Variants in CAND1 observed in about 807,000 individuals in gnomAD.
CAND1 encodes cullin-associated NEDD8-dissociated protein 1.
Under a neutral mutation model 108.5 loss-of-function variants are expected in CAND1, and 7 were observed. The ratio of observed to expected loss-of-function variants is 0.06; its 90% CI spans 0.04 to 0.12. CAND1 has a LOEUF of 0.12. Among genes scored for constraint, CAND1 ranks in the 10% least tolerant of loss-of-function variants. The probability of loss-of-function intolerance (pLI) is 1.00; values close to 1 mark genes in which losing one functional copy is unlikely to be tolerated. For missense variants in CAND1, 941 were observed against 1,448.7 expected (o/e 0.65, Z 5.69); for synonymous variants, 534 against 512.0 (o/e 1.04, Z -0.58).
chr12:67,278,939 T>G (rs1346941166), intron 1 of CAND1, among the ~76,000 whole-genome samples: 1 of 152,234 alleles, frequency 6.6e-6, no homozygotes, highest in Non-Finnish European at 1.5e-5. Flanking sequence ...GACTGCAATG[T>G]AAGCTCCAAG....
chr12:67,274,763 TTAAG>T (rs1429892871), intron 1 of CAND1, among the ~76,000 whole-genome samples: 1 of 152,218 alleles, frequency 6.6e-6, no homozygotes, highest in East Asian at 1.9e-4. Context: ...ATTTATTTAT[TTAAG>T]TGTTTTGGAT....
At chr12:67,276,235 C>T (rs2044567905) in intron 1 of CAND1, among the ~76,000 whole-genome samples, 1 of 152,310 alleles carries the variant, frequency 6.6e-6, no homozygotes, top group African/African-American at 2.4e-5. Flanking sequence ...CATCTGAATT[C>T]GTAGAGACTG....
intron 2 of CAND1, among the ~76,000 whole-genome samples, chr12:67,284,795 A>G (rs896867083): frequency 2.0e-5 from 3 of 152,068 alleles, no homozygotes; most frequent in Admixed American, 2.0e-4. Context: ...ACACACACAT[A>G]CACACACTTA....
chr12:67,305,217 G>T lies in CAND1; in HGVS notation c.1549G>T (p.Val517Phe). 6.2e-7 allele frequency: 1 copy of T among 1,614,082 alleles called. No individual in the cohort carries two copies. The highest frequency in any genetic ancestry group is 8.5e-7 in the Non-Finnish European group (1 of 1,180,008). Residue 517 changes from valine (V) to phenylalanine (F), a missense_variant, in exon 10 of 15, where the codon GTT (valine) becomes TTT (phenylalanine). Physicochemically the swap from Val to Phe is conservative, Grantham distance 50 (BLOSUM62 -1). This residue lies in a region of CAND1 where 697 missense variants were observed against 942.0 expected (regional missense o/e 0.74). Coordinates refer to ENST00000545606, the MANE Select transcript of CAND1 (RefSeq NM_018448.5). The surrounding 1 kb of genome is among the most constrained non-coding windows in gnomAD (Gnocchi z 4.4). Reference protein sequence around the residue: ...NHSPQVFHPHVQALVPPVVAC... With the variant: ...NHSPQVFHPHFQALVPPVVAC... Reference sequence around the variant, plus strand: ...TTCTCCTCAAGTCTTCCATCCTCACGTTCAGGCTTTGGTTCCTCCAGTGGT... The same window carrying T: ...TTCTCCTCAAGTCTTCCATCCTCACTTTCAGGCTTTGGTTCCTCCAGTGGT...
Position 67,269,812 on chromosome 12 carries a change from C to T in CAND1, c.68+27C>T, listed in dbSNP as rs1440010020. On this transcript the variant is annotated intron_variant, in intron 1 of 14. Coordinates refer to ENST00000545606, the MANE Select transcript of CAND1 (RefSeq NM_018448.5). ...TGAGGCCGAGATCCGACCCTCACCC[C>T]ACCTCGGGGTTCTCGCAGCCGCGGC... 4 of 1,587,078 alleles carry T rather than the reference C, an allele frequency of 2.5e-6. No individual in the cohort carries two copies. The Admixed American group carries it at 5.2e-5, about 21-fold the overall frequency.
intron 2 of CAND1, among the ~76,000 whole-genome samples, chr12:67,285,371 A>C (rs929743372): frequency 6.6e-6 from 1 of 152,230 alleles, no homozygotes; most frequent in African/African-American, 2.4e-5. Flanking sequence ...CTTTTATGCT[A>C]AACTAATTAT....
chr12:67,272,762 T>C (rs1197574643), intron 1 of CAND1, among the ~76,000 whole-genome samples: 1 of 152,046 alleles, frequency 6.6e-6, no homozygotes. Context: ...AGGGGCGCCA[T>C]CTCAGCTCAC....
At chr12:67,287,756 A>G (rs1413147919) in intron 2 of CAND1, among the ~76,000 whole-genome samples, 3 of 151,872 alleles carry the variant, frequency 2.0e-5, no homozygotes, top group Non-Finnish European at 1.5e-5. Flanking sequence ...TAATTTAAAC[A>G]TATAAAGGTA....
At chr12:67,274,612 G>A (rs2044552558) in intron 1 of CAND1, among the ~76,000 whole-genome samples, 1 of 152,144 alleles carries the variant, frequency 6.6e-6, no homozygotes, top group African/African-American at 2.4e-5. Context: ...ATTATATAGG[G>A]ATTTTAGGAA....
At chr12:67,270,025 T>C in intron 1 of CAND1, 1 of 488,252 alleles carries the variant, frequency 2.0e-6, no homozygotes, top group East Asian at 4.0e-5. Context: ...CTAGGCCCCG[T>C]TTGCTTGTCT....
chr12:67,294,927 C>G (rs1297160412), intron 3 of CAND1, 106 bp from the exon 4 acceptor site: 1 of 1,177,788 alleles, frequency 8.5e-7, no homozygotes, highest in East Asian at 2.6e-5. Flanking sequence ...TCTGTTGTGT[C>G]TCATGATCAA....
In CAND1 at chr12:67,305,153, C is replaced by T. The variant is rs771093103; in HGVS notation, c.1485C>T (p.Ile495=). 28 of 1,611,654 alleles carry T rather than the reference C, an allele frequency of 1.7e-5. No homozygotes were observed. Among genetic ancestry groups the T allele is most frequent in the South Asian group, 2.2e-5 (2 of 90,120 alleles). Residue 495 remains isoleucine, a synonymous_variant, in exon 10 of 15, where the codon ATC becomes ATT. Transcript: ENST00000545606. The surrounding 1 kb of genome is among the most constrained non-coding windows in gnomAD (Gnocchi z 4.4). The stretch of plus-strand genomic sequence containing the variant: ...AATCAAGCTCATCGAATTTGAAGAT[C>T]GATGCTTTGTCATGTCTATACGTAA... The part of the protein sequence containing the change: ...NDKSSSSNLK[I]DALSCLYVIL...
At chr12:67,292,850 T>C in intron 3 of CAND1, 74 bp downstream of exon 3, 1 of 1,469,120 alleles carries the variant, frequency 6.8e-7, no homozygotes, top group Non-Finnish European at 9.4e-7. Context: ...TTTCCCCTTC[T>C]GGCCAAGGAG....
Position 67,305,574 on chromosome 12 carries a change from G to T in CAND1, c.1906G>T (p.Ala636Ser). The part of the protein sequence containing the change: ...LTTVKALTLI[A>S]GSPLKIDLRP... The stretch of plus-strand genomic sequence containing the variant: ...TACAGTAAAGGCATTGACACTGATT[G>T]CTGGGTCACCTTTGAAGATAGATTT... Residue 636 changes from alanine to serine, a missense_variant, in exon 10 of 15, where the codon GCT (alanine) becomes TCT (serine). This residue lies in a region of CAND1 where 697 missense variants were observed against 942.0 expected (regional missense o/e 0.74). Transcript: ENST00000545606. The surrounding 1 kb of genome is among the most constrained non-coding windows in gnomAD (Gnocchi z 4.4). The T allele has an allele frequency of 6.2e-7, 1 of 1,614,116 alleles. No individual in the cohort carries two copies.
intron 1 of CAND1, among the ~76,000 whole-genome samples, chr12:67,278,819 C>T (rs2135992210): frequency 6.6e-6 from 1 of 152,256 alleles, no homozygotes; most frequent in East Asian, 1.9e-4. Context: ...GGCACCTGGC[C>T]CCATAGTGTT....
intron 1 of CAND1, chr12:67,270,766 A>G (rs1292425517): frequency 1.5e-5 from 1 of 67,878 alleles, no homozygotes; most frequent in Non-Finnish European, 2.8e-5. Flanking sequence ...TAAGTTCTCA[A>G]TCTAAAAAAA....
intron 1 of CAND1, among the ~76,000 whole-genome samples, chr12:67,272,696 G>T (rs981009683): frequency 2.6e-5 from 4 of 151,382 alleles, no homozygotes; most frequent in East Asian, 1.9e-4. Flanking sequence ...TGTTGTTTTG[G>T]TTTTTTTTGT....
intron 1 of CAND1, among the ~76,000 whole-genome samples, chr12:67,273,060 A>C (rs2135987397): frequency 6.6e-6 from 1 of 152,248 alleles, no homozygotes; most frequent in East Asian, 1.9e-4. Context: ...AAAAAGGAGG[A>C]GGCATTTGTG....
chr12:67,309,741 T>A (rs2044928895), intron 11 of CAND1, among the ~76,000 whole-genome samples, 160 bp from the exon 12 acceptor site: 1 of 152,054 alleles, frequency 6.6e-6, no homozygotes, highest in African/African-American at 2.4e-5. Context: ...AAAGAAACGT[T>A]ATGGTTCACT....
Sources: gnomAD v4.1 joint callset for allele counts (sites outside exome capture counted in the v4.1 genomes callset) on GRCh38, gnomAD v4.1.1 for gene constraint, gnomAD v4.1.1 regional missense constraint, Gnocchi (gnomAD v3.1) non-coding constraint, MANE v1.5 for transcripts, NCBI Gene and HGNC (gene_info 2026-07-23, HGNC 2026-07-21) for gene names.